SULF1: variants seen among roughly 807,000 people sequenced by gnomAD.
SULF1 encodes the protein sulfatase 1, also known as extracellular sulfatase Sulf-1.
In SULF1, 46 loss-of-function variants were observed where a neutral mutation model predicts 110.5. The ratio of observed to expected loss-of-function variants is 0.42; its 90% CI spans 0.33 to 0.53. The LOEUF is 0.53. SULF1 is among the 20% of genes least tolerant of loss of function. SULF1 has a pLI of 0.12. For synonymous variants in SULF1, 371 were observed against 387.1 expected, an observed-to-expected ratio of 0.96 and a Z score of 0.49; for missense variants, 941 against 1,094.2, an observed-to-expected ratio of 0.86 and a Z score of 1.98.
At chr8:69,490,349 G>T (rs922751271), upstream of SULF1, among the ~76,000 whole-genome samples, 1 of 151,906 alleles carries the variant, frequency 6.6e-6, no homozygotes, top group East Asian at 1.9e-4. Flanking sequence ...CAATCCACCC[G>T]CCTTGGCCTC....
chr8:69,603,717 G>A, intron 12 of SULF1, 61 bp downstream of exon 12: 1 of 1,150,640 alleles, frequency 8.7e-7, no homozygotes, highest in Non-Finnish European at 1.3e-6. Flanking sequence ...TTTCCCTGCT[G>A]AGTATTTTTT....
At chr8:69,521,623 G>A (rs1223132531) in intron 3 of SULF1, among the ~76,000 whole-genome samples, 1 of 152,118 alleles carries the variant, frequency 6.6e-6, no homozygotes, top group African/African-American at 2.4e-5. Flanking sequence ...GAAATGGAAT[G>A]AGCAAATGGG....
At position 69,629,616 on chromosome 8, in the gene SULF1, C is replaced by A. The variant is rs749992968; in HGVS notation, c.2221C>A (p.Leu741Met). The A allele has an allele frequency of 6.2e-7, 1 of 1,613,828 alleles. No homozygotes were observed. The highest frequency in any genetic ancestry group is 8.5e-7 in the Non-Finnish European group (1 of 1,179,878). Residue 741 changes from leucine (L) to methionine (M), a missense_variant, in exon 19 of 23, where the codon CTG becomes ATG. Coordinates refer to ENST00000402687, the MANE Select transcript of SULF1 (RefSeq NM_001128205.2). ...RRQRKGEECS[L>M]PGLTCFTHDN... ...GCAGAGGAAGGGGGAAGAGTGCAGCCTGCCTGGCCTCACTTGCTTCACGCA... is the reference window on the plus strand; with the variant it reads ...GCAGAGGAAGGGGGAAGAGTGCAGCATGCCTGGCCTCACTTGCTTCACGCA...
In SULF1 at chr8:69,659,224, A is replaced by G. The variant is rs1812953109; in HGVS notation, c.*689A>G. 1 of 456,646 alleles carries G rather than the reference A, an allele frequency of 2.2e-6. No homozygotes were observed. The allele number at this position is 456,646 out of a possible 1,614,324, so 28.3% of individuals were successfully genotyped here. ...CGCAGAACACCGAAGTAATTCCAGCATAGCGGGGAAGATGTTGACCAAGGT... is the reference window on the plus strand; with the variant it reads ...CGCAGAACACCGAAGTAATTCCAGCGTAGCGGGGAAGATGTTGACCAAGGT... On this transcript the variant is annotated 3_prime_UTR_variant, in exon 23 of 23. Coordinates refer to ENST00000402687, the MANE Select transcript of SULF1 (RefSeq NM_001128205.2).
chr8:69,522,212 G>A (rs201596899), intron 3 of SULF1, among the ~76,000 whole-genome samples: 107 of 152,004 alleles, frequency 7.0e-4, no homozygotes, highest in Admixed American at 1.7e-3. Flanking sequence ...CACCACACCC[G>A]GCTACTTTTT....
intron 1 of SULF1, among the ~76,000 whole-genome samples, chr8:69,483,462 C>T (rs746093205): frequency 3.3e-5 from 5 of 152,208 alleles, no homozygotes; most frequent in Non-Finnish European, 5.9e-5. Flanking sequence ...AGCTACTAAA[C>T]GGCAGAATTT....
chr8:69,559,945 C>T (rs1200121125), intron 3 of SULF1, among the ~76,000 whole-genome samples: 3 of 152,132 alleles, frequency 2.0e-5, no homozygotes, highest in Admixed American at 1.3e-4. Flanking sequence ...ATCATTCATG[C>T]TAAGACAAAA....
At chr8:69,626,700 A>G (rs1469380520) in intron 15 of SULF1, among the ~76,000 whole-genome samples, 1 of 152,224 alleles carries the variant, frequency 6.6e-6, no homozygotes, top group Non-Finnish European at 1.5e-5. Context: ...GTACCTCCGC[A>G]GCCGCTGGCC....
intron 1 of SULF1, among the ~76,000 whole-genome samples, chr8:69,479,466 T>C (rs1005147824): frequency 6.6e-5 from 10 of 152,200 alleles, no homozygotes; most frequent in Non-Finnish European, 1.5e-4. Context: ...GCATTCTCAT[T>C]TGTAGGACAA....
At chr8:69,567,953 A>G (rs1816016386) in intron 5 of SULF1, among the ~76,000 whole-genome samples, 1 of 152,164 alleles carries the variant, frequency 6.6e-6, no homozygotes, top group Non-Finnish European at 1.5e-5. Flanking sequence ...GTTCCCTCCA[A>G]CTGAGCACAA....
rs368238970 is a variant in SULF1 at position 69,550,595 on chromosome 8, G to C, written c.-133-12944G>C. Among the ~76,000 whole-genome samples the C allele has an allele frequency of 3.4e-4, 52 of 152,226 alleles. 2 individuals carry two copies. The South Asian group carries it at 0.011, about 32-fold the overall frequency. ...GGGCGAGGGGAAAAGGGAGCAAAAA[G>C]AGAGAAGGAAAGAAGACCAGACATG... On this transcript the variant is annotated intron_variant, in intron 3 of 22. Coordinates refer to ENST00000402687, the MANE Select transcript of SULF1 (RefSeq NM_001128205.2).
intron 8 of SULF1, among the ~76,000 whole-genome samples, chr8:69,594,095 A>C: frequency 6.6e-6 from 1 of 151,288 alleles, no homozygotes; most frequent in Non-Finnish European, 1.5e-5. Flanking sequence ...CTTGTTGCCC[A>C]GGCTGGAGTG....
At chr8:69,530,226 C>T (rs751575927) in intron 3 of SULF1, among the ~76,000 whole-genome samples, 4 of 152,150 alleles carry the variant, frequency 2.6e-5, no homozygotes, top group Non-Finnish European at 4.4e-5. Flanking sequence ...TGTCACTAAA[C>T]GTCAGGCTCA....
chr8:69,654,026 C>T lies in SULF1; in HGVS notation c.2586-4479C>T, dbSNP rs538756278. 3.3e-5 allele frequency among the ~76,000 whole-genome samples: 5 copies of T among 152,346 alleles called. No individual in the cohort carries two copies. The South Asian group carries it at 1.0e-3, about 32-fold the overall frequency. ...GAAAATACCTCCTAGGGCAAGGCCA[C>T]TCAGGTTTGCCAGCTTCTGTTGGAT... On this transcript the variant is annotated intron_variant, in intron 22 of 22. Transcript: ENST00000402687.
chr8:69,577,337 G>C (rs1262771062), intron 6 of SULF1, among the ~76,000 whole-genome samples: 6 of 152,234 alleles, frequency 3.9e-5, no homozygotes, highest in Non-Finnish European at 8.8e-5. Context: ...AGAGTTCATA[G>C]ATGGCAAATG....
intron 1 of SULF1, among the ~76,000 whole-genome samples, chr8:69,471,998 TGAGAGA>T (rs3059922): frequency 6.7e-6 from 1 of 149,186 alleles, no homozygotes; most frequent in African/African-American, 2.5e-5. Flanking sequence ...GGAGAGAAAG[TGAGAGA>T]GAGAGAGAGA....
chr8:69,505,632 G>A (rs953738509), intron 3 of SULF1, among the ~76,000 whole-genome samples: 1 of 152,062 alleles, frequency 6.6e-6, no homozygotes, highest in African/African-American at 2.4e-5. Flanking sequence ...CCTTTTCAAG[G>A]AATCAATATC....
chr8:69,469,522 G>A (rs1027011786), intron 1 of SULF1: 1 of 152,172 alleles, frequency 6.6e-6, no homozygotes, highest in Non-Finnish European at 1.5e-5. Flanking sequence ...TCCATGGTAG[G>A]TTATGAGTAG....
Position 69,638,834 on chromosome 8 carries a change from C to A in SULF1, c.2527C>A (p.Pro843Thr). The A allele has an allele frequency of 6.2e-7, 1 of 1,609,884 alleles. No individual in the cohort carries two copies. The highest frequency in any genetic ancestry group is 1.1e-5 in the South Asian group (1 of 89,418). Residue 843 changes from proline to threonine, a missense_variant, in exon 21 of 23, where the codon CCA (proline) becomes ACA (threonine). By Grantham distance (38) the Pro-to-Thr change is conservative. Coordinates refer to ENST00000402687, the MANE Select transcript of SULF1 (RefSeq NM_001128205.2). ...CTGTCAAGGATATAAGCAGTGCAAC[C>A]CAAGACCTAAGAATCTTGATGTTGG... ...RSCQGYKQCN[P>T]RPKNLDVGNK...
Sources: allele counts gnomAD v4.1 joint callset (sites outside exome capture counted in the v4.1 genomes callset), GRCh38; gene constraint gnomAD v4.1.1; transcripts MANE v1.5; gene names NCBI Gene and HGNC (gene_info 2026-07-23, HGNC 2026-07-21).